Variants in MCOLN2 observed in about 807,000 individuals in gnomAD.
MCOLN2 encodes the protein mucolipin TRP cation channel 2.
MCOLN2 carries 57 observed loss-of-function variants against 67.5 expected under a neutral mutation model. The ratio of observed to expected loss-of-function variants is 0.84; its 90% confidence interval spans 0.68 to 1.05. The LOEUF is 1.05. MCOLN2 is among the 50% of genes least tolerant of loss of function. MCOLN2 has a pLI of 0.00. For synonymous variants in MCOLN2, 246 were observed against 233.3 expected (o/e 1.05, Z -0.50); for missense variants, 620 against 678.8 (o/e 0.91, Z 0.96).
chr1:84,948,898 G>A (rs1028229502), intron 6 of MCOLN2, among the ~76,000 whole-genome samples: 9 of 152,372 alleles, frequency 5.9e-5, no homozygotes, highest in African/African-American at 1.7e-4. Flanking sequence ...GGAAGGCCAA[G>A]GCAGGTGGAT....
chr1:84,929,790 C>G, intron 12 of MCOLN2, 111 bp from the exon 13 acceptor site: 1 of 1,038,992 alleles, frequency 9.6e-7, no homozygotes, highest in Non-Finnish European at 1.4e-6. Flanking sequence ...ACATTGCTAG[C>G]TCAGATCCAA....
intron 1 of MCOLN2, among the ~76,000 whole-genome samples, chr1:84,990,806 C>T (rs1167700221): frequency 1.3e-5 from 2 of 148,904 alleles, no homozygotes; most frequent in Non-Finnish European, 3.0e-5. Context: ...TGGTGGCAGG[C>T]ACCTGTAGTC....
chr1:84,965,471 A>G, intron 2 of MCOLN2, 78 bp downstream of exon 2: 1 of 1,472,132 alleles, frequency 6.8e-7, no homozygotes, highest in Non-Finnish European at 9.2e-7. Context: ...TTCAGAACAA[A>G]AGTCAAGTAC....
intron 12 of MCOLN2, 26 bp downstream of exon 12, chr1:84,931,336 G>T (rs1301035640): frequency 2.3e-6 from 3 of 1,304,182 alleles, no homozygotes; most frequent in African/African-American, 2.9e-5. Flanking sequence ...GTGATTTTTT[G>T]GCAGCAAATT....
chr1:84,969,500 G>A (rs893320399), intron 1 of MCOLN2, among the ~76,000 whole-genome samples: 1 of 151,688 alleles, frequency 6.6e-6, no homozygotes, highest in Non-Finnish European at 1.5e-5. Flanking sequence ...GAACCTGGGA[G>A]GCAGAGGTTG....
intron 1 of MCOLN2, among the ~76,000 whole-genome samples, chr1:84,977,005 T>C (rs536366420): frequency 1.5e-4 from 23 of 152,214 alleles, no homozygotes; most frequent in Non-Finnish European, 2.9e-4. Flanking sequence ...AAAAATTAAA[T>C]GGCAAACCAA....
At chr1:84,929,482 T>C in intron 13 of MCOLN2, 76 bp downstream of exon 13, 1 of 1,438,690 alleles carries the variant, frequency 7.0e-7, no homozygotes, top group Non-Finnish European at 9.3e-7. Flanking sequence ...AATGTAATGG[T>C]AATCTTGGAG....
At chr1:84,983,868 G>T (rs1650379464) in intron 1 of MCOLN2, among the ~76,000 whole-genome samples, 1 of 150,630 alleles carries the variant, frequency 6.6e-6, no homozygotes, top group Admixed American at 6.6e-5. Context: ...GTAGAGACAG[G>T]GTTTCACCAT....
At chr1:84,983,891 G>A (rs577006562) in intron 1 of MCOLN2, among the ~76,000 whole-genome samples, 27 of 150,730 alleles carry the variant, frequency 1.8e-4, no homozygotes, top group Middle Eastern at 3.8e-3. Context: ...TGGCCAAGCT[G>A]GTCTCGATCT....
intron 7 of MCOLN2, among the ~76,000 whole-genome samples, chr1:84,942,049 T>C (rs1167036003): frequency 6.6e-6 from 1 of 152,222 alleles, no homozygotes; most frequent in Non-Finnish European, 1.5e-5. Context: ...TCAGGGACTT[T>C]GCACATGCTG....
intron 2 of MCOLN2, 117 bp from the exon 3 acceptor site, chr1:84,958,819 T>C: frequency 1.3e-6 from 1 of 786,618 alleles, no homozygotes; most frequent in Non-Finnish European, 1.9e-6. Context: ...ATCAATTTTT[T>C]TTGGTTTATA....
intron 1 of MCOLN2, among the ~76,000 whole-genome samples, chr1:84,980,460 C>T (rs765330619): frequency 1.6e-4 from 25 of 151,808 alleles, no homozygotes; most frequent in Admixed American, 5.9e-4. Flanking sequence ...TACACAGATA[C>T]AAAACACAAA....
chr1:84,944,997 T>C (rs1409474972), intron 7 of MCOLN2, among the ~76,000 whole-genome samples: 1 of 152,222 alleles, frequency 6.6e-6, no homozygotes, highest in Non-Finnish European at 1.5e-5. Flanking sequence ...CACATCATCT[T>C]ATTTTAAATT....
At chr1:84,962,009 C>T (rs114723986) in intron 2 of MCOLN2, among the ~76,000 whole-genome samples, 3,264 of 152,160 alleles carry the variant, frequency 0.021, 115 homozygotes, top group African/African-American at 0.073. Flanking sequence ...TCATACCCAT[C>T]CCATTAGACT....
At chr1:84,962,824 C>T (rs550895702) in intron 2 of MCOLN2, among the ~76,000 whole-genome samples, 2 of 152,228 alleles carry the variant, frequency 1.3e-5, no homozygotes, top group Non-Finnish European at 2.9e-5. Flanking sequence ...GAATTCCTGG[C>T]TAGAGAGGTG....
chr1:84,983,954 G>T (rs150664112), intron 1 of MCOLN2, among the ~76,000 whole-genome samples: 1,758 of 152,230 alleles, frequency 0.012, 20 homozygotes, highest in Non-Finnish European at 0.019. Flanking sequence ...GATTACAGGC[G>T]TGAGCCACTG....
intron 6 of MCOLN2, among the ~76,000 whole-genome samples, chr1:84,948,938 T>C (rs1648267123): frequency 6.6e-6 from 1 of 152,220 alleles, no homozygotes. Context: ...GAGACCAGCC[T>C]GGCCAACATG....
chr1:84,983,885 C>T (rs1650380431), intron 1 of MCOLN2, among the ~76,000 whole-genome samples: 1 of 151,724 alleles, frequency 6.6e-6, no homozygotes, highest in Non-Finnish European at 1.5e-5. Flanking sequence ...CCATGTTGGC[C>T]AAGCTGGTCT....
chr1:84,928,627 G>A (rs1025343195), intron 13 of MCOLN2, among the ~76,000 whole-genome samples: 1 of 152,132 alleles, frequency 6.6e-6, no homozygotes, highest in African/African-American at 2.4e-5. Context: ...TGCCTATTAA[G>A]AAAATTAATT....
Sources: allele counts gnomAD v4.1 joint callset (sites outside exome capture counted in the v4.1 genomes callset), GRCh38; gene constraint gnomAD v4.1.1; transcripts MANE v1.5; gene names NCBI Gene and HGNC (gene_info 2026-07-23, HGNC 2026-07-21).